The following SBF2 variants were observed in gnomAD, a reference collection of about 807,000 sequenced individuals.
The protein encoded by SBF2 is SET binding factor 2, also known as myotubularin-related protein 13.
In SBF2, 112 loss-of-function variants were observed where a neutral mutation model predicts 225.2. The ratio of observed to expected loss-of-function variants is 0.50; its 90% CI spans 0.43 to 0.58. The LOEUF is 0.58. SBF2 is among the 20% of genes least tolerant of loss of function. The probability of loss-of-function intolerance (pLI) is 0.00; values close to 1 mark genes in which losing one functional copy is unlikely to be tolerated. For synonymous variants in SBF2, 763 were observed against 773.3 expected, an observed-to-expected ratio of 0.99 and a Z score of 0.22; for missense variants, 1,996 against 2,206.2, an observed-to-expected ratio of 0.90 and a Z score of 1.91.
At chr11:9,859,161 T>G (rs1857532087) in intron 17 of SBF2, among the ~76,000 whole-genome samples, 1 of 152,204 alleles carries the variant, frequency 6.6e-6, no homozygotes, top group African/African-American at 2.4e-5. Context: ...TATATTTAAG[T>G]TTGTTTAGTT....
chr11:10,079,952 GA>G lies in SBF2; in HGVS notation c.142-36972del, dbSNP rs567072483. Among the ~76,000 whole-genome samples the G allele has an allele frequency of 2.7e-5, 4 of 150,462 alleles. No individual in the cohort carries two copies. The East Asian group carries it at 5.8e-4, about 22-fold the overall frequency. Reference sequence around the variant, plus strand: ...AGATTCTATTTTCAAAGTGCTTAAAGAAAAAAAAATGTGGGACAGGCACGAT... The same window carrying G: ...AGATTCTATTTTCAAAGTGCTTAAAGAAAAAAAATGTGGGACAGGCACGAT... On this transcript the variant is annotated intron_variant, in intron 2 of 39. Transcript: ENST00000256190.
intron 2 of SBF2, among the ~76,000 whole-genome samples, chr11:10,079,456 T>G (rs1951270673): frequency 6.6e-6 from 1 of 152,164 alleles, no homozygotes; most frequent in East Asian, 1.9e-4. Flanking sequence ...ATAATACAGT[T>G]GAAAGTTCTG....
intron 1 of SBF2, among the ~76,000 whole-genome samples, chr11:10,265,873 G>A (rs1961936235): frequency 6.6e-6 from 1 of 151,188 alleles, no homozygotes; most frequent in African/African-American, 2.5e-5. Flanking sequence ...GTGTGTGTGT[G>A]TGCGCGCGCG....
chr11:9,819,514 T>A (rs1453078349), intron 28 of SBF2: 1 of 152,182 alleles, frequency 6.6e-6, no homozygotes, highest in Non-Finnish European at 1.5e-5. Flanking sequence ...AAATGAAATT[T>A]CAGCACCTGT....
At chr11:10,168,750 T>C (rs1488869988) in intron 2 of SBF2, among the ~76,000 whole-genome samples, 1 of 152,208 alleles carries the variant, frequency 6.6e-6, no homozygotes, top group African/African-American at 2.4e-5. Context: ...TCTGCTTCTT[T>C]GGCTTGTCAG....
chr11:10,113,158 T>C (rs1047675958), intron 2 of SBF2, among the ~76,000 whole-genome samples: 20 of 152,158 alleles, frequency 1.3e-4, no homozygotes, highest in African/African-American at 4.3e-4. Flanking sequence ...CACATCTGGC[T>C]GATTTTTTAA....
intron 17 of SBF2, among the ~76,000 whole-genome samples, chr11:9,876,835 G>C (rs1410146649): frequency 6.6e-6 from 1 of 152,058 alleles, no homozygotes; most frequent in Admixed American, 6.6e-5. Flanking sequence ...TGCCTCCTTG[G>C]TTCAACAATT....
chr11:9,913,965 G>A (rs1175122347), intron 16 of SBF2, among the ~76,000 whole-genome samples: 1 of 152,136 alleles, frequency 6.6e-6, no homozygotes, highest in Non-Finnish European at 1.5e-5. Context: ...GACTCCCAAA[G>A]TGCTGCGATT....
intron 2 of SBF2, among the ~76,000 whole-genome samples, chr11:10,081,071 T>C (rs1951345958): frequency 6.6e-6 from 1 of 152,118 alleles, no homozygotes; most frequent in Non-Finnish European, 1.5e-5. Flanking sequence ...AAAATTAAAG[T>C]GGACTTTAGA....
At chr11:9,823,130 C>T (rs567729356) in intron 28 of SBF2, among the ~76,000 whole-genome samples, 1 of 152,300 alleles carries the variant, frequency 6.6e-6, no homozygotes, top group East Asian at 1.9e-4. Flanking sequence ...CATTTTTCTA[C>T]TCAACAAAGA....
chr11:10,284,293 A>C (rs933025957), intron 1 of SBF2, among the ~76,000 whole-genome samples: 7 of 152,190 alleles, frequency 4.6e-5, no homozygotes, highest in Admixed American at 3.3e-4. Flanking sequence ...GTGTGTATTT[A>C]GTTCTATGCA....
At chr11:9,792,743 A>C (rs1852831986) in intron 33 of SBF2, among the ~76,000 whole-genome samples, 1 of 139,820 alleles carries the variant, frequency 7.2e-6, no homozygotes, top group African/African-American at 2.5e-5. Flanking sequence ...TAGGATTCGA[A>C]ATGCATGTTT....
At chr11:10,269,488 T>C (rs1555103091) in intron 1 of SBF2, among the ~76,000 whole-genome samples, 1 of 152,218 alleles carries the variant, frequency 6.6e-6, no homozygotes, top group Non-Finnish European at 1.5e-5. Context: ...AAAATTCACA[T>C]ATGTCCATAT....
intron 17 of SBF2, among the ~76,000 whole-genome samples, chr11:9,882,636 G>A (rs186796504): frequency 3.3e-4 from 50 of 151,840 alleles, no homozygotes; most frequent in Admixed American, 7.2e-4. Context: ...GTGAAACCCC[G>A]TCTCTACTAA....
intron 1 of SBF2, among the ~76,000 whole-genome samples, chr11:10,206,400 C>T (rs141491605): frequency 2.0e-5 from 3 of 152,044 alleles, no homozygotes; most frequent in African/African-American, 7.2e-5. Context: ...GGTCTACATG[C>T]TAACTCTAAA....
chr11:10,286,321 A>G (rs528418069), intron 1 of SBF2, among the ~76,000 whole-genome samples: 10 of 151,630 alleles, frequency 6.6e-5, no homozygotes, highest in African/African-American at 1.9e-4. Flanking sequence ...ATTATATCTC[A>G]ATAAAGCTAG....
At chr11:10,071,915 T>C (rs1239058209) in intron 2 of SBF2, among the ~76,000 whole-genome samples, 1 of 152,168 alleles carries the variant, frequency 6.6e-6, no homozygotes, top group Admixed American at 6.6e-5. Flanking sequence ...TTATTGAGGA[T>C]TTTCGCATCA....
intron 2 of SBF2, among the ~76,000 whole-genome samples, chr11:10,069,558 A>G (rs1950778668): frequency 6.6e-6 from 1 of 152,144 alleles, no homozygotes; most frequent in Non-Finnish European, 1.5e-5. Context: ...CCAGTCTATC[A>G]TTGATGGGCA....
intron 1 of SBF2, among the ~76,000 whole-genome samples, chr11:10,289,187 G>A (rs1357991450): frequency 6.6e-6 from 1 of 152,220 alleles, no homozygotes; most frequent in African/African-American, 2.4e-5. Flanking sequence ...TCCGAGATTG[G>A]AGCAGGCGCC....
Sources: allele counts gnomAD v4.1 joint callset (sites outside exome capture counted in the v4.1 genomes callset), GRCh38; gene constraint gnomAD v4.1.1; transcripts MANE v1.5; gene names NCBI Gene and HGNC (gene_info 2026-07-23, HGNC 2026-07-21).